ZNF687: variants seen among roughly 807,000 people sequenced by gnomAD.
ZNF687 encodes zinc finger protein 687.
A neutral mutation model predicts 71.8 loss-of-function variants in ZNF687; 13 were observed. The observed-to-expected ratio is 0.18, with a 90% CI of 0.12 to 0.29. The LOEUF (loss-of-function observed/expected upper bound fraction) is 0.29, where lower values mean the gene tolerates loss of function less well. ZNF687 is among the 10% of genes least tolerant of loss of function. ZNF687 has a pLI of 1.00. For missense variants in ZNF687, 1,412 were observed against 1,625.6 expected, an observed-to-expected ratio of 0.87 and a Z score of 2.26; for synonymous variants, 673 against 641.6, an observed-to-expected ratio of 1.05 and a Z score of -0.74.
Position 151,286,991 on chromosome 1 carries a change from C to G in ZNF687, c.700C>G (p.Leu234Val), listed in dbSNP as rs1693975274. The part of the protein sequence containing the change: ...ESCSPHHPQV[L>V]AQQGSGSSPK... ...CTGCAGCCCCCATCATCCCCAGGTC[C>G]TAGCCCAACAAGGCTCAGGCTCCAG... The change falls in exon 2 of 9, where the codon CTA becomes GTA. Residue 234 changes from leucine to valine, a missense_variant. By Grantham distance (32) the Leu-to-Val change is conservative. Transcript: ENST00000336715. The G allele has an allele frequency of 5.0e-6, 8 of 1,602,730 alleles. No individual in the cohort carries two copies. The highest frequency in any genetic ancestry group is 1.7e-4 in the Middle Eastern group (1 of 6,000).
rs1553185762 is a variant in ZNF687, at chr1:151,291,885, C to CT, written c.*677dup. 6.6e-6 allele frequency: 1 copy of CT among 152,346 alleles called. No homozygotes were observed. Among genetic ancestry groups the CT allele is most frequent in the African/African-American group, 2.4e-5 (1 of 41,390 alleles). 9.4% of individuals were successfully genotyped at this position (152,346 alleles called of 1,614,324 possible). A position where few individuals can be genotyped will look rare whatever the true frequency, so the allele number is the denominator to read the frequency against. ...TAGGGAGAAAACCAGACCATTAAAACTGTTTGTGGTCGAATCTCCATTCAG... is the reference window on the plus strand; with the variant it reads ...TAGGGAGAAAACCAGACCATTAAAACTTGTTTGTGGTCGAATCTCCATTCAG... On this transcript the variant is annotated 3_prime_UTR_variant, in exon 9 of 9. Coordinates refer to ENST00000336715, the MANE Select transcript of ZNF687 (RefSeq NM_020832.3).
In ZNF687 at chr1:151,289,917, G is replaced by A. The variant is rs753443837; in HGVS notation, c.2874G>A (p.Gly958=). 6.4e-7 allele frequency: 1 copy of A among 1,557,354 alleles called. No individual in the cohort carries two copies. Among genetic ancestry groups the A allele is most frequent in the African/African-American group, 1.4e-5 (1 of 73,478 alleles). Residue 958 remains glycine, a synonymous_variant, in exon 6 of 9, where the codon GGG becomes GGA. Transcript: ENST00000336715. ...LGSKGLKGGG[G]GPGGWTCGLC... is the part of the protein sequence containing the mutation. ...GCAAAGGCCTCAAGGGTGGGGGTGGGGGGCCTGGAGGCTGGACCTGTGGCC... is the reference window on the plus strand; with the variant it reads ...GCAAAGGCCTCAAGGGTGGGGGTGGAGGGCCTGGAGGCTGGACCTGTGGCC...
chr1:151,287,350 T>G lies in ZNF687; in HGVS notation c.1059T>G (p.Pro353=), dbSNP rs776877049. ...TRTVTQVPSD[P]DPPAPLAEGA... ...CTGTAACTCAGGTCCCCTCAGATCC[T>G]GATCCACCTGCCCCCTTGGCTGAGG... Residue 353 remains proline (P), a synonymous_variant, in exon 2 of 9, where the codon CCT becomes CCG. Coordinates refer to ENST00000336715, the MANE Select transcript of ZNF687 (RefSeq NM_020832.3). This position sits in a 1 kb window ranked among gnomAD's most constrained non-coding sequence, Gnocchi z 5.0. 3.1e-6 allele frequency: 5 copies of G among 1,614,102 alleles called. No individual in the cohort carries two copies. Among genetic ancestry groups the G allele is most frequent in the African/African-American group, 1.3e-5 (1 of 74,940 alleles).
intron 7 of ZNF687, 32 bp from the exon 8 acceptor site, chr1:151,290,400 C>T (rs368556223): frequency 4.8e-5 from 77 of 1,613,446 alleles, no homozygotes; most frequent in Non-Finnish European, 5.9e-5. Context: ...CGGGCTGTGC[C>T]GCTGCTGCCA....
intron 2 of ZNF687, 41 bp from the exon 3 acceptor site, chr1:151,288,487 G>T: frequency 6.3e-7 from 1 of 1,580,930 alleles, no homozygotes; most frequent in Non-Finnish European, 8.6e-7. Flanking sequence ...ATGGAGACAG[G>T]ACACTCCTCA....
rs1199501941 is a variant in ZNF687 at position 151,291,776 on chromosome 1, G to A, written c.*567G>A. Reference sequence around the variant, plus strand: ...GGTTGGTAGGGATGAGTCCTGTCAAGGGGGCCACAGGAGAGGAGGGGACAG... The same window carrying A: ...GGTTGGTAGGGATGAGTCCTGTCAAAGGGGCCACAGGAGAGGAGGGGACAG... On this transcript the variant is annotated 3_prime_UTR_variant, in exon 9 of 9. Transcript: ENST00000336715. 6.6e-6 allele frequency: 1 copy of A among 152,648 alleles called. No individual in the cohort carries two copies. Among genetic ancestry groups the A allele is most frequent in the African/African-American group, 2.4e-5 (1 of 41,426 alleles). The allele number at this position is 152,648 out of a possible 1,614,324, so 9.5% of individuals were successfully genotyped here.
At chr1:151,285,573 C>T (rs976834630) in intron 1 of ZNF687, 1 of 152,164 alleles carries the variant, frequency 6.6e-6, no homozygotes. Context: ...GCTGCCATGC[C>T]CAGCTAATTT....
chr1:151,289,838 C>T lies in ZNF687; in HGVS notation c.2795C>T (p.Pro932Leu). Residue 932 changes from proline (P) to leucine (L), a missense_variant, in exon 6 of 9, where the codon CCC (proline) becomes CTC (leucine). Around this residue, in one of 8 missense-constraint regions of ZNF687, gnomAD observed 135 missense variants for 104.1 expected, o/e 1.30. Transcript: ENST00000336715. ...TCATCTTCAGAAGAGGAGGAAGTAC[C>T]CAGCTCCCCTGAGCCCCCCCGTCCA... The part of the protein sequence containing the change: ...SSSSSEEEEV[P>L]SSPEPPRPAK... 1 of 1,569,362 alleles carries T rather than the reference C, an allele frequency of 6.4e-7. No individual in the cohort carries two copies.
At chr1:151,281,852 GC>G (rs1693724308), upstream of ZNF687, 1 of 392,736 alleles carries the variant, frequency 2.5e-6, no homozygotes. Flanking sequence ...TGCTCTCAGT[GC>G]CCACCACACA....
At chr1:151,283,432 C>A in intron 1 of ZNF687, 1 of 465,080 alleles carries the variant, frequency 2.2e-6, no homozygotes, top group African/African-American at 2.1e-5. Context: ...GCCCTAGAGA[C>A]AGGGCTCAGC....
At chr1:151,288,777 C>G in intron 3 of ZNF687, 71 bp downstream of exon 3, 1 of 1,490,476 alleles carries the variant, frequency 6.7e-7, no homozygotes, top group Non-Finnish European at 9.1e-7. Context: ...GATGGCCTTT[C>G]AAGATCCCCT....
chr1:151,282,041 G>C (rs1223020074), upstream of ZNF687: 1 of 1,279,014 alleles, frequency 7.8e-7, no homozygotes, highest in East Asian at 5.7e-5. Context: ...GAGACTCGTA[G>C]ATGGGGCAGA....
Position 151,284,312 on chromosome 1 carries a change from G to A in ZNF687, c.-18+1917G>A, listed in dbSNP as rs185683004. 54 of 974,666 alleles carry A rather than the reference G, an allele frequency of 5.5e-5. No homozygotes were observed. In the East Asian group the frequency reaches 5.8e-3, roughly 105 times the overall value. The allele number at this position is 974,666 out of a possible 1,614,324, so 60.4% of individuals were successfully genotyped here. ...GCCTCGGGAAAGCAAGATGGGGAGG[G>A]GTGGAGAAGGAAGGGCTGGCTAGGG... On this transcript the variant is annotated intron_variant, in intron 1 of 8. Coordinates refer to ENST00000336715, the MANE Select transcript of ZNF687 (RefSeq NM_020832.3).
Position 151,290,194 on chromosome 1 carries a change from A to G in ZNF687, c.3037A>G (p.Arg1013Gly). The change falls in exon 7 of 9, where the codon AGA (arginine) becomes GGA (glycine). Residue 1013 changes from arginine (R) to glycine (G), a missense_variant. By Grantham distance (125) the Arg-to-Gly change is moderately radical. Transcript: ENST00000336715. ...CGCCCCCAGCCTGAGGCGCCATGTC[A>G]GAGTTAATCACGAGGGCATCAAGCG... is the stretch of plus-strand genomic sequence containing the variant. The part of the protein sequence containing the change: ...CSAPSLRRHV[R>G]VNHEGIKRVY... 1 of 1,614,060 alleles carries G rather than the reference A, an allele frequency of 6.2e-7. No individual in the cohort carries two copies. Among genetic ancestry groups the G allele is most frequent in the Non-Finnish European group, 8.5e-7 (1 of 1,180,040 alleles).
chr1:151,286,653 A>G lies in ZNF687; in HGVS notation c.362A>G (p.His121Arg), dbSNP rs778222461. The G allele has an allele frequency of 4.3e-6, 7 of 1,614,078 alleles. No individual in the cohort carries two copies. The African/African-American group carries it at 8.0e-5, about 18-fold the overall frequency. Residue 121 changes from histidine (H) to arginine (R), a missense_variant, in exon 2 of 9, where the codon CAT becomes CGT. By Grantham distance (29) the His-to-Arg change is conservative. This residue lies in a region of ZNF687 where 490 missense variants were observed against 489.9 expected (regional missense o/e 1.00). Transcript: ENST00000336715. ...ACTAAAGAAGGGCCTGTGGGGCCTC[A>G]TCGAATGCAGAATGGTTTTGGGAGC... The part of the protein sequence containing the change: ...GVTKEGPVGP[H>R]RMQNGFGSPE...
Position 151,287,572 on chromosome 1 carries a change from T to TG in ZNF687, c.1287dup (p.Thr430AspfsTer6), listed in dbSNP as rs1432537887. 1 of 1,613,870 alleles carries TG rather than the reference T, an allele frequency of 6.2e-7. No homozygotes were observed. The stretch of plus-strand genomic sequence containing the variant: ...TGGCTCGCAAGGCTGTGGTGCTGCC[T>TG]GGGGGGACTGCCACCAGCCCTAAGA... On this transcript the variant is annotated frameshift_variant, in exon 2 of 9. Coordinates refer to ENST00000336715, the MANE Select transcript of ZNF687 (RefSeq NM_020832.3). LOFTEE classifies it high-confidence loss of function. This position sits in a 1 kb window ranked among gnomAD's most constrained non-coding sequence, Gnocchi z 5.0.
rs1694121389 is a variant in ZNF687, at chr1:151,289,762, G to A, written c.2719G>A (p.Glu907Lys). Reference sequence around the variant, plus strand: ...GCTGACCCCCAAGACTGAGCCTGAGGAGCTGGCTGTTTCTCAGGGAGGGGC... The same window carrying A: ...GCTGACCCCCAAGACTGAGCCTGAGAAGCTGGCTGTTTCTCAGGGAGGGGC... ...ALLTPKTEPE[E>K]LAVSQGGAAP... Residue 907 changes from glutamate (E) to lysine (K), a missense_variant, in exon 6 of 9, where the codon GAG becomes AAG. Physicochemically the swap from Glu to Lys is moderately conservative, Grantham distance 56 (BLOSUM62 1). Transcript: ENST00000336715. 1 of 1,560,442 alleles carries A rather than the reference G, an allele frequency of 6.4e-7. No homozygotes were observed. Among genetic ancestry groups the A allele is most frequent in the Non-Finnish European group, 8.7e-7 (1 of 1,151,626 alleles).
intron 3 of ZNF687, 34 bp from the exon 4 acceptor site, chr1:151,289,061 C>A: frequency 6.2e-7 from 1 of 1,606,454 alleles, no homozygotes; most frequent in South Asian, 1.1e-5. Flanking sequence ...AGATGCCTCC[C>A]ACCTCACCAC....
Position 151,282,383 on chromosome 1 carries a change from A to T in ZNF687, c.-30A>T, listed in dbSNP as rs1693746882. ...AGACCGCCGGGTCTCGGCCCGCACC[A>T]GGAGCGGAACAAGTAAGCGTGCCTG... On this transcript the variant is annotated 5_prime_UTR_variant, in exon 1 of 9. Transcript: ENST00000336715. 1.0e-6 allele frequency: 1 copy of T among 990,130 alleles called. No homozygotes were observed. The highest frequency in any genetic ancestry group is 5.2e-4 in the Middle Eastern group (1 of 1,924). The allele number at this position is 990,130 out of a possible 1,614,324, so 61.3% of individuals were successfully genotyped here.
Sources: allele counts gnomAD v4.1 joint callset, GRCh38; gene constraint gnomAD v4.1.1; regional missense constraint gnomAD v4.1.1; non-coding constraint Gnocchi (gnomAD v3.1); transcripts MANE v1.5; gene names NCBI Gene and HGNC (gene_info 2026-07-23, HGNC 2026-07-21).